The following SHROOM3 variants were observed in gnomAD, a reference collection of about 807,000 sequenced individuals.
The protein encoded by SHROOM3 is protein Shroom3.
In SHROOM3, 47 loss-of-function variants were observed where a neutral mutation model predicts 138.6. The ratio of observed to expected loss-of-function variants is 0.34; its 90% CI spans 0.27 to 0.43. The LOEUF (loss-of-function observed/expected upper bound fraction) is 0.43, where lower values mean the gene tolerates loss of function less well. SHROOM3 is among the 20% of genes least tolerant of loss of function. The pLI is 1.00. For synonymous variants in SHROOM3, 1,062 were observed against 1,063.3 expected (o/e 1.00, Z 0.02); for missense variants, 2,491 against 2,596.5 (o/e 0.96, Z 0.88).
In SHROOM3 at chr4:76,568,824, G is replaced by A. The variant is rs182588706; in HGVS notation, c.323+13061G>A. Among the ~76,000 whole-genome samples, 684 of 152,294 alleles carry A rather than the reference G, an allele frequency of 4.5e-3. 5 individuals carry two copies. The highest frequency in any genetic ancestry group is 7.1e-3 in the Admixed American group (109 of 15,300). ...CCCTCAGGGAGCAGTGCTGTGCAGC[G>A]GTTAGGAGCACTGGCTTTAAATCTG... On this transcript the variant is annotated intron_variant, in intron 2 of 10. Coordinates refer to ENST00000296043, the MANE Select transcript of SHROOM3 (RefSeq NM_020859.4).
In SHROOM3 at chr4:76,741,254, C is replaced by T. The variant is rs760142652; in HGVS notation, c.3081C>T (p.Asn1027=). ...KRSYSEPEKM[N]EVGIVEEAEP... ...CCTACTCGGAGCCCGAGAAGATGAACGAGGTGGGGATCGTGGAGGAGGCCG... is the reference window on the plus strand; with the variant it reads ...CCTACTCGGAGCCCGAGAAGATGAATGAGGTGGGGATCGTGGAGGAGGCCG... The change falls in exon 5 of 11, where the codon AAC becomes AAT. Residue 1027 remains asparagine, a synonymous_variant. Transcript: ENST00000296043. This position sits in a 1 kb window ranked among gnomAD's most constrained non-coding sequence, Gnocchi z 6.2. 2 of 1,611,894 alleles carry T rather than the reference C, an allele frequency of 1.2e-6. No individual in the cohort carries two copies. Among genetic ancestry groups the T allele is most frequent in the East Asian group, 2.2e-5 (1 of 44,814 alleles).
chr4:76,710,190 G>T lies in SHROOM3; in HGVS notation c.358G>T (p.Gly120Cys), dbSNP rs1411918865. 6.2e-7 allele frequency: 1 copy of T among 1,614,016 alleles called. No homozygotes were observed. The highest frequency in any genetic ancestry group is 8.5e-7 in the Non-Finnish European group (1 of 1,180,024). ...VCTDPGHADT[G>C]ASNFVSPEHL... ...CACAGACCCAGGCCATGCAGATACT[G>T]GTGCCTCTAACTTCGTCAGCCCAGA... The change falls in exon 3 of 11, where the codon GGT becomes TGT. Residue 120 changes from glycine to cysteine, a missense_variant. Physicochemically the swap from Gly to Cys is radical, Grantham distance 159. This residue lies in a region of SHROOM3 where 284 missense variants were observed against 322.8 expected (regional missense o/e 0.88). Coordinates refer to ENST00000296043, the MANE Select transcript of SHROOM3 (RefSeq NM_020859.4).
intron 2 of SHROOM3, among the ~76,000 whole-genome samples, chr4:76,678,956 C>T (rs1719116291): frequency 6.6e-6 from 1 of 152,204 alleles, no homozygotes; most frequent in Non-Finnish European, 1.5e-5. Flanking sequence ...GCCACCCCAC[C>T]CAGCCGAGCA....
chr4:76,545,699 C>T (rs968338788), intron 1 of SHROOM3, among the ~76,000 whole-genome samples: 9 of 152,212 alleles, frequency 5.9e-5, no homozygotes, highest in Non-Finnish European at 1.0e-4. Context: ...AAACAAACCT[C>T]TATGGAGTCT....
chr4:76,525,486 T>A (rs1055066694), intron 1 of SHROOM3, among the ~76,000 whole-genome samples: 1 of 152,204 alleles, frequency 6.6e-6, no homozygotes, highest in African/African-American at 2.4e-5. Context: ...GTATTATTAC[T>A]ATTTCTTTTA....
At chr4:76,628,755 A>G (rs1735218377) in intron 2 of SHROOM3, 1 of 152,228 alleles carries the variant, frequency 6.6e-6, no homozygotes, top group Non-Finnish European at 1.5e-5. Context: ...TAAGTATCAA[A>G]GTAAAGAAAT....
At chr4:76,440,554 T>C (rs1165932464) in intron 1 of SHROOM3, among the ~76,000 whole-genome samples, 2 of 152,246 alleles carry the variant, frequency 1.3e-5, no homozygotes, top group Admixed American at 1.3e-4. Context: ...GTCTGACTAC[T>C]GCTCAGTCAA....
At chr4:76,583,456 C>G (rs1468851330) in intron 2 of SHROOM3, among the ~76,000 whole-genome samples, 1 of 152,188 alleles carries the variant, frequency 6.6e-6, no homozygotes, top group Non-Finnish European at 1.5e-5. Context: ...ATGCTAAGTG[C>G]TTTTTCATAG....
In SHROOM3 at chr4:76,730,984, T is replaced by A. The variant is rs141401073; in HGVS notation, c.587+49T>A. The A allele has an allele frequency of 3.3e-5, 53 of 1,610,808 alleles. 1 individual carries two copies. The East Asian group carries it at 1.1e-3, about 33-fold the overall frequency. On this transcript the variant is annotated intron_variant, in intron 4 of 10. Transcript: ENST00000296043. Reference sequence around the variant, plus strand: ...AAGGGTTTCTTTCTTTCTAATGTCATGTTCCCAGAAAAGAATGTTTTCTTC... The same window carrying A: ...AAGGGTTTCTTTCTTTCTAATGTCAAGTTCCCAGAAAAGAATGTTTTCTTC...
intron 2 of SHROOM3, among the ~76,000 whole-genome samples, chr4:76,653,410 G>A (rs899539850): frequency 6.6e-6 from 1 of 151,696 alleles, no homozygotes; most frequent in African/African-American, 2.4e-5. Context: ...CAACCCAGGT[G>A]TCTCCAGACA....
At chr4:76,446,110 G>A (rs957877895) in intron 1 of SHROOM3, among the ~76,000 whole-genome samples, 4 of 152,104 alleles carry the variant, frequency 2.6e-5, no homozygotes, top group African/African-American at 9.7e-5. Context: ...CTCTGTAACA[G>A]GCATGCTAGC....
chr4:76,538,627 T>A (rs1733032361), intron 1 of SHROOM3, among the ~76,000 whole-genome samples: 1 of 152,174 alleles, frequency 6.6e-6, no homozygotes, highest in Non-Finnish European at 1.5e-5. Flanking sequence ...GAAAAAATGT[T>A]CTGAAATTTG....
chr4:76,526,007 AC>A (rs1276026944), intron 1 of SHROOM3, among the ~76,000 whole-genome samples: 2 of 151,596 alleles, frequency 1.3e-5, no homozygotes, highest in African/African-American at 4.9e-5. Context: ...CTAAGCTGAA[AC>A]CAAGAGTTGA....
At chr4:76,673,214 C>T (rs1010173598) in intron 2 of SHROOM3, among the ~76,000 whole-genome samples, 1 of 152,140 alleles carries the variant, frequency 6.6e-6, no homozygotes, top group Admixed American at 6.5e-5. Flanking sequence ...TCTCATTTTG[C>T]CTGTCGCCAT....
intron 2 of SHROOM3, among the ~76,000 whole-genome samples, chr4:76,697,492 T>C: frequency 6.6e-6 from 1 of 152,164 alleles, no homozygotes; most frequent in East Asian, 1.9e-4. Context: ...CTTTCAGCCC[T>C]GTAGGTATCT....
In SHROOM3 at chr4:76,740,626, C is replaced by G. The variant is rs1018472960; in HGVS notation, c.2453C>G (p.Ser818Cys). 7.4e-6 allele frequency: 12 copies of G among 1,614,204 alleles called. No homozygotes were observed. Among genetic ancestry groups the G allele is most frequent in the African/African-American group, 2.7e-5 (2 of 75,044 alleles). Residue 818 changes from serine (S) to cysteine (C), a missense_variant, in exon 5 of 11, where the codon TCC (serine) becomes TGC (cysteine). Ser to Cys is a moderately radical substitution (Grantham distance 112). Transcript: ENST00000296043. The surrounding 1 kb of genome is among the most constrained non-coding windows in gnomAD (Gnocchi z 4.0). ...AGGCCCCACAGGACCGTCTCAACTT[C>G]CAGTACTTCTGGGAATGACTTCGAG... ...NYRPHRTVSTSSTSGNDFEET... is the reference protein window; with the variant it reads ...NYRPHRTVSTCSTSGNDFEET...
At chr4:76,436,939 G>A (rs924828255) in intron 1 of SHROOM3, among the ~76,000 whole-genome samples, 1 of 152,108 alleles carries the variant, frequency 6.6e-6, no homozygotes, top group African/African-American at 2.4e-5. Context: ...AATTTTTAGA[G>A]TATTTAATAG....
At chr4:76,609,763 T>C (rs187192790) in intron 2 of SHROOM3, among the ~76,000 whole-genome samples, 65 of 152,338 alleles carry the variant, frequency 4.3e-4, no homozygotes, top group African/African-American at 1.4e-3. Flanking sequence ...TTCCTAACAT[T>C]TACCTAAATA....
chr4:76,450,955 A>ATT (rs148176073), intron 1 of SHROOM3, among the ~76,000 whole-genome samples: 19 of 148,666 alleles, frequency 1.3e-4, no homozygotes, highest in African/African-American at 4.4e-4. Flanking sequence ...TTTAGTATTG[A>ATT]TTTTTTTTTT....
Sources: allele counts gnomAD v4.1 joint callset (sites outside exome capture counted in the v4.1 genomes callset), GRCh38; gene constraint gnomAD v4.1.1; regional missense constraint gnomAD v4.1.1; non-coding constraint Gnocchi (gnomAD v3.1); transcripts MANE v1.5; gene names NCBI Gene and HGNC (gene_info 2026-07-23, HGNC 2026-07-21).